Variants in MDGA2 observed in about 807,000 individuals in gnomAD.
MDGA2 encodes MAM domain containing glycosylphosphatidylinositol anchor 2, also known as MAM domain-containing glycosylphosphatidylinositol anchor protein 2.
In MDGA2, 40 loss-of-function variants were observed where a neutral mutation model predicts 117.8. The ratio of observed to expected loss-of-function variants is 0.34; its 90% CI spans 0.26 to 0.44. The LOEUF (loss-of-function observed/expected upper bound fraction) is 0.44, where lower values mean the gene tolerates loss of function less well. MDGA2 is among the 20% of genes least tolerant of loss of function. The pLI is 1.00. For missense variants in MDGA2, 1,123 were observed against 1,250.6 expected, an observed-to-expected ratio of 0.90 and a Z score of 1.54; for synonymous variants, 452 against 439.0, an observed-to-expected ratio of 1.03 and a Z score of -0.37.
At chr14:47,128,428 T>C (rs1682756969) in intron 5 of MDGA2, among the ~76,000 whole-genome samples, 1 of 152,108 alleles carries the variant, frequency 6.6e-6, no homozygotes, top group African/African-American at 2.4e-5. Flanking sequence ...CCATAGGCCA[T>C]ACTTTCATTT....
Position 47,291,551 on chromosome 14 carries a change from G to C in MDGA2, c.420+9860C>G, listed in dbSNP as rs190422001. ...TACATCTAACCTACCAAATGTCATAGTGTAGCCTAGCCTATCTTAAACATG... is the reference window on the plus strand; with the variant it reads ...TACATCTAACCTACCAAATGTCATACTGTAGCCTAGCCTATCTTAAACATG... On this transcript the variant is annotated intron_variant, in intron 2 of 16. Transcript: ENST00000399232. Among the ~76,000 whole-genome samples the C allele has an allele frequency of 3.0e-4, 45 of 152,308 alleles. 1 individual carries two copies. Among genetic ancestry groups the C allele is most frequent in the Non-Finnish European group, 5.9e-5 (4 of 68,038 alleles).
chr14:47,353,783 T>A (rs1298418066), intron 1 of MDGA2, among the ~76,000 whole-genome samples: 1 of 151,894 alleles, frequency 6.6e-6, no homozygotes, highest in Non-Finnish European at 1.5e-5. Flanking sequence ...ACTGAAGAGG[T>A]GGGAATACTA....
chr14:47,339,213 T>C (rs772137431), intron 1 of MDGA2, among the ~76,000 whole-genome samples: 21 of 152,164 alleles, frequency 1.4e-4, no homozygotes, highest in Non-Finnish European at 2.5e-4. Flanking sequence ...CATTAGTATT[T>C]AGAAAATGAA....
intron 5 of MDGA2, among the ~76,000 whole-genome samples, chr14:47,111,805 G>T (rs1358933423): frequency 6.6e-6 from 1 of 152,038 alleles, no homozygotes; most frequent in African/African-American, 2.4e-5. Flanking sequence ...AGTAAATGGG[G>T]TCACAAAGTA....
In MDGA2 at chr14:47,289,658, G is replaced by A. The variant is rs932131347; in HGVS notation, c.420+11753C>T. On this transcript the variant is annotated intron_variant, in intron 2 of 16. Transcript: ENST00000399232. Reference sequence around the variant, plus strand: ...CTTAAAATGATATATTTATAACTATGAGCAATGCAATCAATAGATTTTCAA... The same window carrying A: ...CTTAAAATGATATATTTATAACTATAAGCAATGCAATCAATAGATTTTCAA... 2.6e-5 allele frequency among the ~76,000 whole-genome samples: 4 copies of A among 151,920 alleles called. No individual in the cohort carries two copies. The East Asian group carries it at 7.7e-4, about 29-fold the overall frequency.
chr14:47,032,005 T>A (rs899009097), intron 8 of MDGA2, among the ~76,000 whole-genome samples: 2 of 152,186 alleles, frequency 1.3e-5, no homozygotes, highest in African/African-American at 4.8e-5. Flanking sequence ...AGTGCAACAA[T>A]AGACTAACAA....
At chr14:47,502,845 T>A (rs1894426384) in intron 1 of MDGA2, among the ~76,000 whole-genome samples, 1 of 152,042 alleles carries the variant, frequency 6.6e-6, no homozygotes, top group Non-Finnish European at 1.5e-5. Context: ...CCGAGTAATT[T>A]ATTTTAATTA....
At chr14:47,414,782 A>C (rs940270050) in intron 1 of MDGA2, among the ~76,000 whole-genome samples, 1 of 152,112 alleles carries the variant, frequency 6.6e-6, no homozygotes, top group Non-Finnish European at 1.5e-5. Flanking sequence ...TTAAATTTAT[A>C]CCATGTCACC....
chr14:47,515,717 T>C (rs1329283646), intron 1 of MDGA2, among the ~76,000 whole-genome samples: 1 of 152,022 alleles, frequency 6.6e-6, no homozygotes, highest in African/African-American at 2.4e-5. Flanking sequence ...CAATATATTT[T>C]TAGGAATAAA....
Position 46,841,881 on chromosome 14 carries a change from T to C in MDGA2, c.*50A>G. Reference sequence around the variant, plus strand: ...TCAATGTCCATTTACAAAGACTCTTTCTTCATGCCAGTGCCTGGTGAATCT... The same window carrying C: ...TCAATGTCCATTTACAAAGACTCTTCCTTCATGCCAGTGCCTGGTGAATCT... On this transcript the variant is annotated 3_prime_UTR_variant, in exon 17 of 17. Transcript: ENST00000399232. 1 of 1,242,920 alleles carries C rather than the reference T, an allele frequency of 8.0e-7. No homozygotes were observed. Among genetic ancestry groups the C allele is most frequent in the Admixed American group, 1.9e-5 (1 of 51,988 alleles). 77.0% of individuals were successfully genotyped at this position (1,242,920 alleles called of 1,614,324 possible). A position where few individuals can be genotyped will look rare whatever the true frequency, so the allele number is the denominator to read the frequency against.
chr14:46,931,711 C>A (rs1422370806), intron 9 of MDGA2, among the ~76,000 whole-genome samples: 1 of 151,550 alleles, frequency 6.6e-6, no homozygotes, highest in African/African-American at 2.4e-5. Context: ...TTAGTAGAGA[C>A]GGGGTTTCGC....
At chr14:46,910,197 TC>T (rs374442288) in intron 10 of MDGA2, among the ~76,000 whole-genome samples, 3 of 151,190 alleles carry the variant, frequency 2.0e-5, no homozygotes, top group African/African-American at 7.4e-5. Context: ...AACACTGTTT[TC>T]ATCCCTGCCT....
intron 8 of MDGA2, among the ~76,000 whole-genome samples, chr14:46,973,605 T>C (rs1490487314): frequency 6.6e-6 from 1 of 152,128 alleles, no homozygotes; most frequent in East Asian, 1.9e-4. Context: ...ATTTAGAATA[T>C]ATGCATTTAA....
intron 1 of MDGA2, among the ~76,000 whole-genome samples, chr14:47,537,167 ATT>A (rs1895229977): frequency 6.6e-6 from 1 of 152,050 alleles, no homozygotes; most frequent in African/African-American, 2.4e-5. Context: ...ACCGTTACAA[ATT>A]CTGCCAACTG....
chr14:47,087,466 A>AAAG (rs2138926050), intron 6 of MDGA2, among the ~76,000 whole-genome samples: 1 of 150,090 alleles, frequency 6.7e-6, no homozygotes, highest in African/African-American at 2.4e-5. Flanking sequence ...ACATCAAAAA[A>AAAG]AAAAAAAAAA....
intron 8 of MDGA2, among the ~76,000 whole-genome samples, chr14:46,991,282 A>G (rs568956465): frequency 1.5e-4 from 23 of 152,300 alleles, no homozygotes; most frequent in African/African-American, 5.5e-4. Flanking sequence ...AATCTTTTAT[A>G]GAATGTAAAG....
chr14:46,926,865 T>TA (rs958433627), intron 9 of MDGA2, among the ~76,000 whole-genome samples: 19 of 151,368 alleles, frequency 1.3e-4, no homozygotes, highest in Admixed American at 4.6e-4. Flanking sequence ...ACTGCCTATA[T>TA]AAAAAAAAAG....
chr14:47,248,993 T>G (rs1460408139), intron 2 of MDGA2, among the ~76,000 whole-genome samples: 1 of 144,606 alleles, frequency 6.9e-6, no homozygotes, highest in African/African-American at 2.5e-5. Context: ...TCTTTCTTTC[T>G]TTCATTCTTT....
intron 8 of MDGA2, among the ~76,000 whole-genome samples, chr14:47,003,089 G>C (rs1887587888): frequency 6.6e-6 from 1 of 152,076 alleles, no homozygotes; most frequent in South Asian, 2.1e-4. Flanking sequence ...AATGCAACTT[G>C]AATCAGACCA....
Sources: allele counts gnomAD v4.1 joint callset (sites outside exome capture counted in the v4.1 genomes callset), GRCh38; gene constraint gnomAD v4.1.1; transcripts MANE v1.5; gene names NCBI Gene and HGNC (gene_info 2026-07-23, HGNC 2026-07-21).